FSIP1: variants seen among roughly 807,000 people sequenced by gnomAD.
The protein encoded by FSIP1 is fibrous sheath-interacting protein 1.
FSIP1 carries 65 observed loss-of-function variants against 60.9 expected under a neutral mutation model. That is an observed-to-expected ratio of 1.07 (90% CI 0.87 to 1.31). FSIP1 has a LOEUF of 1.31. Among genes scored for constraint, FSIP1 ranks in the 40% most tolerant of loss-of-function variants. The pLI, the probability that FSIP1 is intolerant of heterozygous loss-of-function variation, is 0.00. For missense variants in FSIP1, 675 were observed against 665.5 expected (o/e 1.01, Z -0.16); for synonymous variants, 209 against 221.2 (o/e 0.94, Z 0.49).
chr15:39,607,946 TCAA>T (rs1172831729), intron 11 of FSIP1, among the ~76,000 whole-genome samples: 1 of 152,222 alleles, frequency 6.6e-6, no homozygotes, highest in East Asian at 1.9e-4. Flanking sequence ...AGTTATGTCT[TCAA>T]AGGGCTTTTT....
intron 1 of FSIP1, among the ~76,000 whole-genome samples, chr15:39,778,857 A>T (rs1283044615): frequency 2.0e-5 from 3 of 152,176 alleles, no homozygotes; most frequent in African/African-American, 7.2e-5. Context: ...AGTAATAAAA[A>T]ATATGAAATC....
At chr15:39,649,773 C>CTGAAAA (rs1418235284) in intron 10 of FSIP1, among the ~76,000 whole-genome samples, 2 of 152,228 alleles carry the variant, frequency 1.3e-5, no homozygotes, top group African/African-American at 2.4e-5. Context: ...TTGACCCTCT[C>CTGAAAA]TAATCAGAAG....
At chr15:39,721,074 A>G (rs997837921) in intron 9 of FSIP1, among the ~76,000 whole-genome samples, 1 of 152,236 alleles carries the variant, frequency 6.6e-6, no homozygotes, top group Non-Finnish European at 1.5e-5. Flanking sequence ...CAGAGCATCT[A>G]TATGAGAACA....
intron 2 of FSIP1, among the ~76,000 whole-genome samples, 176 bp from the exon 3 acceptor site, chr15:39,770,786 C>T (rs1371928504): frequency 6.6e-6 from 1 of 152,172 alleles, no homozygotes; most frequent in African/African-American, 2.4e-5. Context: ...TTTAACTACA[C>T]AATTCCATGT....
rs1595656611 is a variant in FSIP1, at chr15:39,718,175, CTTCT to C, written c.1051-4598_1051-4595del. On this transcript the variant is annotated intron_variant, in intron 9 of 11. Transcript: ENST00000350221. ...TCTTCGAAATCCAAGCTAGGTATTC[CTTCT>C]GTTTCTTGTCAAAAACTCTAACATA... 2.0e-5 allele frequency among the ~76,000 whole-genome samples: 3 copies of C among 152,032 alleles called. No individual in the cohort carries two copies. In the South Asian group the frequency reaches 6.2e-4, roughly 32 times the overall value.
chr15:39,677,070 T>C (rs1056917438), intron 10 of FSIP1, among the ~76,000 whole-genome samples: 3 of 152,104 alleles, frequency 2.0e-5, no homozygotes, highest in African/African-American at 4.8e-5. Flanking sequence ...CATAAAACTA[T>C]GGAAATGAGA....
intron 10 of FSIP1, among the ~76,000 whole-genome samples, chr15:39,645,152 A>G (rs1892538564): frequency 6.6e-6 from 1 of 152,268 alleles, no homozygotes; most frequent in South Asian, 2.1e-4. Context: ...TGATGAGGGC[A>G]TGGAGAAAAG....
At chr15:39,711,456 T>C (rs1413175124) in intron 10 of FSIP1, among the ~76,000 whole-genome samples, 2 of 151,866 alleles carry the variant, frequency 1.3e-5, no homozygotes, top group Non-Finnish European at 1.5e-5. Flanking sequence ...GTCACAAACA[T>C]CCAAACCACA....
At chr15:39,712,565 A>G (rs1895563383) in intron 10 of FSIP1, among the ~76,000 whole-genome samples, 1 of 152,244 alleles carries the variant, frequency 6.6e-6, no homozygotes, top group African/African-American at 2.4e-5. Context: ...AGATCACCCA[A>G]GATGACAGAA....
chr15:39,714,275 G>A (rs1895649099), intron 9 of FSIP1, among the ~76,000 whole-genome samples: 1 of 152,096 alleles, frequency 6.6e-6, no homozygotes, highest in Non-Finnish European at 1.5e-5. Flanking sequence ...TATATTGACA[G>A]AACCATATTT....
intron 10 of FSIP1, among the ~76,000 whole-genome samples, chr15:39,699,433 G>A (rs1894965246): frequency 6.6e-6 from 1 of 152,198 alleles, no homozygotes; most frequent in Non-Finnish European, 1.5e-5. Context: ...TCTATTATGT[G>A]GATCATTTCA....
chr15:39,724,025 CTACAT>C (rs1896089945), intron 9 of FSIP1, among the ~76,000 whole-genome samples: 1 of 152,168 alleles, frequency 6.6e-6, no homozygotes, highest in South Asian at 2.1e-4. Context: ...TTTTTAACAA[CTACAT>C]TACATTTTTG....
chr15:39,666,399 A>C (rs1168871704), intron 10 of FSIP1, among the ~76,000 whole-genome samples: 1 of 152,234 alleles, frequency 6.6e-6, no homozygotes, highest in African/African-American at 2.4e-5. Flanking sequence ...TATTTGCATG[A>C]ATGATTATGA....
At chr15:39,730,376 T>C (rs957233034) in intron 8 of FSIP1, among the ~76,000 whole-genome samples, 2 of 152,134 alleles carry the variant, frequency 1.3e-5, no homozygotes, top group African/African-American at 2.4e-5. Context: ...CTGGGGGCTA[T>C]GAGAATGGAT....
At chr15:39,700,967 C>T (rs919998866) in intron 10 of FSIP1, among the ~76,000 whole-genome samples, 1 of 152,148 alleles carries the variant, frequency 6.6e-6, no homozygotes, top group African/African-American at 2.4e-5. Context: ...ACCTGGGCAA[C>T]ATAGTGAGAC....
chr15:39,763,761 A>T, intron 5 of FSIP1, 60 bp downstream of exon 5: 1 of 873,822 alleles, frequency 1.1e-6, no homozygotes, highest in Non-Finnish European at 1.9e-6. Context: ...ATTTTACTTT[A>T]ATCCAAATAT....
At chr15:39,633,091 CT>C (rs869063502) in intron 10 of FSIP1, among the ~76,000 whole-genome samples, 5,308 of 112,788 alleles carry the variant, frequency 0.047, 239 homozygotes, top group African/African-American at 0.18. Context: ...GGCTATACTT[CT>C]TTTTTTTTTT....
At chr15:39,658,252 T>G (rs1285941873) in intron 10 of FSIP1, among the ~76,000 whole-genome samples, 1 of 10,442 alleles carries the variant, frequency 9.6e-5, no homozygotes, top group African/African-American at 2.2e-4. Context: ...GCAGACATGA[T>G]TTTTTTTTTT....
At chr15:39,735,150 T>C (rs1236817445) in intron 8 of FSIP1, among the ~76,000 whole-genome samples, 3 of 152,226 alleles carry the variant, frequency 2.0e-5, no homozygotes, top group South Asian at 2.1e-4. Flanking sequence ...TCTAAGCTTT[T>C]GTTAATAAAG....
Sources: allele counts gnomAD v4.1 joint callset (sites outside exome capture counted in the v4.1 genomes callset), GRCh38; gene constraint gnomAD v4.1.1; transcripts MANE v1.5; gene names NCBI Gene and HGNC (gene_info 2026-07-23, HGNC 2026-07-21).